The following CCSER1 variants were observed in gnomAD, a reference collection of about 807,000 sequenced individuals.
The protein encoded by CCSER1 is serine-rich coiled-coil domain-containing protein 1.
CCSER1 carries 41 observed loss-of-function variants against 82.0 expected under a neutral mutation model. The observed-to-expected ratio is 0.50, with a 90% CI of 0.39 to 0.65. The LOEUF is 0.65. CCSER1 is among the 30% of genes least tolerant of loss of function. The pLI is 0.00. For missense variants in CCSER1, 1,119 were observed against 1,064.2 expected, an observed-to-expected ratio of 1.05 and a Z score of -0.72; for synonymous variants, 414 against 383.9, an observed-to-expected ratio of 1.08 and a Z score of -0.92.
At chr4:91,173,457 G>A (rs562226275) in intron 10 of CCSER1, among the ~76,000 whole-genome samples, 1 of 152,172 alleles carries the variant, frequency 6.6e-6, no homozygotes, top group East Asian at 1.9e-4. Context: ...AGCTGGGCGT[G>A]GTGGCATGCG....
intron 9 of CCSER1, among the ~76,000 whole-genome samples, chr4:90,936,087 G>A (rs28611292): frequency 0.31 from 47,507 of 151,622 alleles, 7,844 homozygotes; most frequent in Non-Finnish European, 0.35. Flanking sequence ...AATTATTTGC[G>A]CAATGTATTT....
At chr4:91,223,001 C>T (rs1487526868) in intron 10 of CCSER1, among the ~76,000 whole-genome samples, 2 of 151,868 alleles carry the variant, frequency 1.3e-5, no homozygotes, top group Admixed American at 6.6e-5. Flanking sequence ...TGGATATCTT[C>T]CTGATTTATA....
At chr4:90,731,694 A>C (rs1050083022) in intron 7 of CCSER1, among the ~76,000 whole-genome samples, 2 of 152,166 alleles carry the variant, frequency 1.3e-5, no homozygotes, top group Non-Finnish European at 2.9e-5. Context: ...AATGGGAATA[A>C]ATTTTAAGAG....
chr4:90,780,457 G>C (rs867764661), intron 7 of CCSER1: 1 of 1,612,146 alleles, frequency 6.2e-7, no homozygotes, highest in Admixed American at 1.7e-5. Flanking sequence ...ATACCCTAGG[G>C]AATTCTGAAA....
chr4:91,134,815 A>T (rs1660706716), intron 10 of CCSER1, among the ~76,000 whole-genome samples: 1 of 152,138 alleles, frequency 6.6e-6, no homozygotes. Context: ...TAATCCCAGC[A>T]CTTTGGGAGG....
At chr4:91,249,152 C>G (rs980611008) in intron 10 of CCSER1, among the ~76,000 whole-genome samples, 1 of 152,056 alleles carries the variant, frequency 6.6e-6, no homozygotes, top group East Asian at 1.9e-4. Context: ...AATAAAACAT[C>G]TGAAAATTCG....
At chr4:90,412,042 T>C (rs1191209408) in intron 4 of CCSER1, among the ~76,000 whole-genome samples, 1 of 152,062 alleles carries the variant, frequency 6.6e-6, no homozygotes, top group African/African-American at 2.4e-5. Context: ...CTATTCACAA[T>C]AGCAAAGACT....
intron 10 of CCSER1, among the ~76,000 whole-genome samples, chr4:91,575,958 T>A (rs1421831320): frequency 6.6e-6 from 1 of 151,816 alleles, no homozygotes; most frequent in Non-Finnish European, 1.5e-5. Context: ...CTTCAAAAAA[T>A]TAAAAATAAA....
At chr4:90,871,940 G>A (rs1318583023) in intron 8 of CCSER1, among the ~76,000 whole-genome samples, 2 of 151,322 alleles carry the variant, frequency 1.3e-5, no homozygotes, top group Non-Finnish European at 3.0e-5. Flanking sequence ...TCTTTTTATG[G>A]TTTTTGTCTT....
intron 7 of CCSER1, among the ~76,000 whole-genome samples, chr4:90,736,127 G>A (rs1337084628): frequency 1.3e-5 from 2 of 152,026 alleles, no homozygotes; most frequent in Non-Finnish European, 2.9e-5. Context: ...CCTAACATAT[G>A]GTCTATCCTT....
intron 6 of CCSER1, among the ~76,000 whole-genome samples, chr4:90,704,915 C>T (rs1739001847): frequency 1.3e-5 from 2 of 152,088 alleles, no homozygotes; most frequent in African/African-American, 2.4e-5. Context: ...TTAATGGGTT[C>T]GAACTTCCTT....
At chr4:90,605,673 A>G (rs901549856) in intron 5 of CCSER1, among the ~76,000 whole-genome samples, 2 of 152,188 alleles carry the variant, frequency 1.3e-5, no homozygotes, top group Non-Finnish European at 2.9e-5. Context: ...ACCCTTGGTG[A>G]TGTACTAGTG....
At chr4:90,177,532 T>C (rs896416253) in intron 1 of CCSER1, among the ~76,000 whole-genome samples, 3 of 152,090 alleles carry the variant, frequency 2.0e-5, no homozygotes, top group Non-Finnish European at 2.9e-5. Flanking sequence ...CTGAATACCT[T>C]GTAGGTCTTA....
At chr4:90,571,818 A>G (rs763818926) in intron 5 of CCSER1, among the ~76,000 whole-genome samples, 9 of 152,116 alleles carry the variant, frequency 5.9e-5, no homozygotes, top group East Asian at 1.9e-4. Flanking sequence ...TGATGTTACC[A>G]TTTGCATATT....
chr4:90,227,542 T>A (rs937634676), intron 1 of CCSER1, among the ~76,000 whole-genome samples: 3 of 152,180 alleles, frequency 2.0e-5, no homozygotes, highest in Non-Finnish European at 4.4e-5. Context: ...CCTTGCAACA[T>A]GTATTCAGCT....
At chr4:90,701,777 C>G (rs1437295163) in intron 6 of CCSER1, among the ~76,000 whole-genome samples, 1 of 152,116 alleles carries the variant, frequency 6.6e-6, no homozygotes, top group African/African-American at 2.4e-5. Context: ...CTCTGTTTGT[C>G]TGTTATTGGT....
At chr4:91,042,820 C>T (rs7654931) in intron 9 of CCSER1, among the ~76,000 whole-genome samples, 2 of 152,088 alleles carry the variant, frequency 1.3e-5, no homozygotes, top group Admixed American at 6.5e-5. Flanking sequence ...GGGAAATTAA[C>T]AAATGATCTT....
At chr4:90,499,633 A>G (rs758010510) in intron 5 of CCSER1, among the ~76,000 whole-genome samples, 2 of 152,148 alleles carry the variant, frequency 1.3e-5, no homozygotes, top group Non-Finnish European at 2.9e-5. Flanking sequence ...ACCAGTTATG[A>G]CCAAACCTGT....
At chr4:90,930,714 A>T (rs888067471) in intron 9 of CCSER1, among the ~76,000 whole-genome samples, 7 of 151,718 alleles carry the variant, frequency 4.6e-5, no homozygotes, top group Non-Finnish European at 1.0e-4. Context: ...ATCTCTCATT[A>T]TCTGTTTACA....
Sources: gnomAD v4.1 joint callset for allele counts (sites outside exome capture counted in the v4.1 genomes callset) on GRCh38, gnomAD v4.1.1 for gene constraint, MANE v1.5 for transcripts, NCBI Gene and HGNC (gene_info 2026-07-23, HGNC 2026-07-21) for gene names.